PTPRD: variants seen among roughly 807,000 people sequenced by gnomAD.
PTPRD encodes the protein protein tyrosine phosphatase receptor type D.
A neutral mutation model predicts 214.5 loss-of-function variants in PTPRD; 34 were observed. The ratio of observed to expected loss-of-function variants is 0.16; its 90% CI spans 0.12 to 0.21. The LOEUF (loss-of-function observed/expected upper bound fraction) is 0.21, where lower values mean the gene tolerates loss of function less well. PTPRD is among the 10% of genes least tolerant of loss of function. PTPRD has a pLI of 1.00. For missense variants in PTPRD, 2,545 were observed against 2,398.7 expected, an observed-to-expected ratio of 1.06 and a Z score of -1.27; for synonymous variants, 1,128 against 845.7, an observed-to-expected ratio of 1.33 and a Z score of -5.79.
At chr9:9,550,682 T>A (rs546539053) in intron 8 of PTPRD, among the ~76,000 whole-genome samples, 1 of 151,706 alleles carries the variant, frequency 6.6e-6, no homozygotes, top group Admixed American at 6.6e-5. Flanking sequence ...AAAGATAAGT[T>A]ACTTCCTGGG....
intron 10 of PTPRD, among the ~76,000 whole-genome samples, chr9:9,148,395 C>T (rs532472253): frequency 2.6e-5 from 4 of 152,052 alleles, no homozygotes; most frequent in Admixed American, 6.6e-5. Context: ...AAAAACCCAA[C>T]CTGTAATTAT....
At chr9:9,124,954 G>A (rs1169170608) in intron 10 of PTPRD, among the ~76,000 whole-genome samples, 1 of 152,140 alleles carries the variant, frequency 6.6e-6, no homozygotes, top group Non-Finnish European at 1.5e-5. Flanking sequence ...TATAACAAGA[G>A]ACTGCTGTAT....
At chr9:9,889,811 G>A (rs942784335) in intron 5 of PTPRD, among the ~76,000 whole-genome samples, 1 of 142,900 alleles carries the variant, frequency 7.0e-6, no homozygotes, top group Non-Finnish European at 1.5e-5. Flanking sequence ...GTGTGTGTGT[G>A]TATGTGTGTG....
intron 9 of PTPRD, among the ~76,000 whole-genome samples, chr9:9,337,467 C>G (rs556336204): frequency 2.4e-4 from 37 of 152,260 alleles, no homozygotes; most frequent in Non-Finnish European, 4.7e-4. Flanking sequence ...CTCCCAGTTA[C>G]AATTTTCTTC....
intron 8 of PTPRD, among the ~76,000 whole-genome samples, chr9:9,402,821 C>T (rs1338239602): frequency 6.6e-6 from 1 of 151,206 alleles, no homozygotes; most frequent in Non-Finnish European, 1.5e-5. Context: ...ATATTAAACA[C>T]AACTAAAGGA....
intron 9 of PTPRD, among the ~76,000 whole-genome samples, chr9:9,254,591 T>C (rs4472577): frequency 0.2 from 29,941 of 151,980 alleles, 3,443 homozygotes; most frequent in Non-Finnish European, 0.25. Context: ...TATCTTTCAA[T>C]AGTGAAAAGA....
chr9:9,630,288 T>C (rs920284513), intron 7 of PTPRD, among the ~76,000 whole-genome samples: 5 of 152,216 alleles, frequency 3.3e-5, no homozygotes, highest in Non-Finnish European at 5.9e-5. Flanking sequence ...TGGTTTTATA[T>C]AGCAAAGAAA....
intron 3 of PTPRD, among the ~76,000 whole-genome samples, chr9:10,089,186 A>G (rs2098399366): frequency 7.1e-6 from 1 of 141,032 alleles, no homozygotes. Context: ...AGCCTGGGTG[A>G]CAGAATGAGA....
chr9:8,951,173 G>C (rs1354723047), intron 11 of PTPRD, among the ~76,000 whole-genome samples: 3 of 123,628 alleles, frequency 2.4e-5, no homozygotes, highest in Admixed American at 8.1e-5. Flanking sequence ...GAGAGAGAGA[G>C]AGGAAGAGGA....
At position 10,060,856 on chromosome 9, in the gene PTPRD, T is replaced by TCTTTCTTC. The variant is rs2097757164; in HGVS notation, c.-544-27067_-544-27066insGAAGAAAG. ...CCTTCCTTCCTTCCTTTCCTTTCTT[T>TCTTTCTTC]CTTCCTTCCTTCTTTCCTTCCTTCC... On this transcript the variant is annotated intron_variant, in intron 3 of 45. Transcript: ENST00000381196. Among the ~76,000 whole-genome samples, 2 of 116,034 alleles carry TCTTTCTTC rather than the reference T, an allele frequency of 1.7e-5. 1 individual carries two copies. Among genetic ancestry groups the TCTTTCTTC allele is most frequent in the African/African-American group, 1.3e-4 (2 of 15,334 alleles). 76.1% of individuals were successfully genotyped at this position (116,034 alleles called of 152,430 possible).
intron 11 of PTPRD, among the ~76,000 whole-genome samples, chr9:8,986,579 A>G (rs1029269804): frequency 6.6e-6 from 1 of 152,052 alleles, no homozygotes; most frequent in Non-Finnish European, 1.5e-5. Context: ...AGAGTTATAC[A>G]GTATCCCTTC....
chr9:10,127,124 C>T (rs1304174170), intron 3 of PTPRD, among the ~76,000 whole-genome samples: 2 of 152,088 alleles, frequency 1.3e-5, no homozygotes, highest in African/African-American at 4.8e-5. Context: ...TACTGTGCTG[C>T]TGTAATAAAT....
chr9:10,030,210 G>T (rs535839158), intron 4 of PTPRD, among the ~76,000 whole-genome samples: 1 of 152,080 alleles, frequency 6.6e-6, no homozygotes, highest in East Asian at 1.9e-4. Flanking sequence ...TAACACAGTG[G>T]GTTTGACAAG....
At chr9:10,452,056 G>T (rs537290516) in intron 2 of PTPRD, among the ~76,000 whole-genome samples, 2 of 151,936 alleles carry the variant, frequency 1.3e-5, no homozygotes, top group Non-Finnish European at 2.9e-5. Flanking sequence ...ATAATTTACA[G>T]TTTCATCAGT....
At chr9:9,352,310 CAT>C (rs35015743) in intron 9 of PTPRD, among the ~76,000 whole-genome samples, 47,433 of 140,602 alleles carry the variant, frequency 0.34, 8,367 homozygotes, top group Middle Eastern at 0.48. Context: ...GCCAAAAAAC[CAT>C]ATATATATAT....
chr9:10,509,252 A>T (rs1253360436), intron 2 of PTPRD, among the ~76,000 whole-genome samples: 3 of 151,778 alleles, frequency 2.0e-5, no homozygotes, highest in African/African-American at 7.3e-5. Flanking sequence ...TATTTTCCTC[A>T]TTCATCCTTC....
At chr9:9,439,578 C>A (rs1039484265) in intron 8 of PTPRD, among the ~76,000 whole-genome samples, 6 of 152,082 alleles carry the variant, frequency 3.9e-5, no homozygotes, top group Non-Finnish European at 7.4e-5. Context: ...CTTCATCAGC[C>A]CTTTCAGCCC....
chr9:9,855,179 A>G (rs1359413461), intron 5 of PTPRD, among the ~76,000 whole-genome samples: 1 of 152,198 alleles, frequency 6.6e-6, no homozygotes, highest in Non-Finnish European at 1.5e-5. Context: ...TTACAAGAGC[A>G]AAGGGTATAT....
At chr9:9,739,125 C>T (rs2098354419) in intron 6 of PTPRD, among the ~76,000 whole-genome samples, 1 of 152,134 alleles carries the variant, frequency 6.6e-6, no homozygotes, top group African/African-American at 2.4e-5. Context: ...TTTAACTTTA[C>T]TAAAAAGGCA....
Sources: gnomAD v4.1 joint callset for allele counts (sites outside exome capture counted in the v4.1 genomes callset) on GRCh38, gnomAD v4.1.1 for gene constraint, MANE v1.5 for transcripts, NCBI Gene and HGNC (gene_info 2026-07-23, HGNC 2026-07-21) for gene names.